Variants in CDK18 observed in about 807,000 individuals in gnomAD.
CDK18 encodes the protein cyclin dependent kinase 18, also known as cyclin-dependent kinase 18.
A neutral mutation model predicts 62.0 loss-of-function variants in CDK18; 52 were observed. The ratio of observed to expected loss-of-function variants is 0.84; its 90% CI spans 0.67 to 1.06. CDK18 has a LOEUF of 1.06. Ranked by LOEUF, CDK18 falls within the 50% of genes least tolerant of loss-of-function variation. The pLI is 0.00. For synonymous variants in CDK18, 237 were observed against 247.0 expected, an observed-to-expected ratio of 0.96 and a Z score of 0.38; for missense variants, 604 against 619.9, an observed-to-expected ratio of 0.97 and a Z score of 0.27.
rs941561741 is a variant in CDK18 at position 205,530,008 on chromosome 1, C to T, written c.1222-251C>T. The T allele has an allele frequency of 7.8e-6, 11 of 1,404,438 alleles. No homozygotes were observed. The African/African-American group carries it at 1.4e-4, about 18-fold the overall frequency. The allele number at this position is 1,404,438 out of a possible 1,614,324, so 87.0% of individuals were successfully genotyped here. A position where few individuals can be genotyped will look rare whatever the true frequency, so the allele number is the denominator to read the frequency against. ...GTTGGTTTGCATCTGTATTTCTATC[C>T]CAAGAGAAGGTCACTCTCCTGAAGT... is the stretch of plus-strand genomic sequence containing the variant. On this transcript the variant is annotated intron_variant, in intron 13 of 15. Coordinates refer to ENST00000429964, the MANE Select transcript of CDK18 (RefSeq NM_212502.3).
Position 205,516,835 on chromosome 1 carries a change from C to T in CDK18, c.-21-6312C>T, listed in dbSNP as rs1558771767. 1 of 152,230 alleles carries T rather than the reference C, an allele frequency of 6.6e-6. No individual in the cohort carries two copies. The highest frequency in any genetic ancestry group is 6.5e-5 in the Admixed American group (1 of 15,276). 9.4% of individuals were successfully genotyped at this position (152,230 alleles called of 1,614,324 possible). A position where few individuals can be genotyped will look rare whatever the true frequency, so the allele number is the denominator to read the frequency against. On this transcript the variant is annotated intron_variant, in intron 1 of 15. Coordinates refer to ENST00000429964, the MANE Select transcript of CDK18 (RefSeq NM_212502.3). The surrounding 1 kb of genome is among the most constrained non-coding windows in gnomAD (Gnocchi z 4.8). The stretch of plus-strand genomic sequence containing the variant: ...CAGGCTGGGGAATCGGGGCTTTGTT[C>T]AAGAGGAAGGCAAAGAGGCTTCTTG...
In CDK18 at chr1:205,527,500, A is replaced by AAG; in HGVS notation, c.730-294_730-293insAG. 1 of 272,136 alleles carries AAG rather than the reference A, an allele frequency of 3.7e-6. No individual in the cohort carries two copies. Among genetic ancestry groups the AAG allele is most frequent in the South Asian group, 5.9e-5 (1 of 17,004 alleles). The allele number at this position is 272,136 out of a possible 1,614,324, so 16.9% of individuals were successfully genotyped here. ...ACTCTAAAAGAAAAAAAAAAAAAAAAGGGATCAAGCACATATGTCTCCACA... is the reference window on the plus strand; with the variant it reads ...ACTCTAAAAGAAAAAAAAAAAAAAAAAGGGGATCAAGCACATATGTCTCCACA... On this transcript the variant is annotated intron_variant, in intron 8 of 15. Transcript: ENST00000429964. This position sits in a 1 kb window ranked among gnomAD's most constrained non-coding sequence, Gnocchi z 4.1.
chr1:205,524,721 G>A (rs531507140), intron 4 of CDK18, among the ~76,000 whole-genome samples: 4 of 152,308 alleles, frequency 2.6e-5, no homozygotes, highest in East Asian at 1.9e-4. Flanking sequence ...CAGCCTCTCC[G>A]GCTAGGGGGT....
In CDK18 at chr1:205,531,683, A is replaced by C; in HGVS notation, c.*305A>C. ...CCCTCTCCCACCCTGGTGTTTGGGC[A>C]CCTGCGTGGGATGCACACGGATGAC... On this transcript the variant is annotated 3_prime_UTR_variant, in exon 16 of 16. Coordinates refer to ENST00000429964, the MANE Select transcript of CDK18 (RefSeq NM_212502.3). The C allele has an allele frequency of 2.5e-6, 1 of 405,574 alleles. No individual in the cohort carries two copies. Among genetic ancestry groups the C allele is most frequent in the Non-Finnish European group, 4.6e-6 (1 of 217,470 alleles). 25.1% of individuals were successfully genotyped at this position (405,574 alleles called of 1,614,324 possible). A position where few individuals can be genotyped will look rare whatever the true frequency, so the allele number is the denominator to read the frequency against.
intron 14 of CDK18, 111 bp downstream of exon 14, chr1:205,530,460 C>G (rs1668681513): frequency 1.1e-5 from 14 of 1,255,982 alleles, no homozygotes; most frequent in Non-Finnish European, 1.5e-5. Context: ...CCCAGCAGAG[C>G]AGCCCCGGGC....
chr1:205,525,259 C>T, intron 5 of CDK18, 64 bp downstream of exon 5: 1 of 1,241,758 alleles, frequency 8.1e-7, no homozygotes. Flanking sequence ...AGGGGCAGAC[C>T]TCCCTAGTCG....
At chr1:205,511,091 G>T (rs78823621) in intron 1 of CDK18, among the ~76,000 whole-genome samples, 4,327 of 152,354 alleles carry the variant, frequency 0.028, 189 homozygotes, top group African/African-American at 0.099. Context: ...AAGGCTAGGG[G>T]TTGGCAAACC....
intron 7 of CDK18, 153 bp from the exon 8 acceptor site, chr1:205,526,622 A>G: frequency 2.1e-6 from 2 of 944,164 alleles, no homozygotes; most frequent in East Asian, 2.4e-5. Flanking sequence ...GAGTGGGCCA[A>G]GAGCTCAGGC....
At chr1:205,511,135 T>C (rs1667547538) in intron 1 of CDK18, among the ~76,000 whole-genome samples, 1 of 152,280 alleles carries the variant, frequency 6.6e-6, no homozygotes, top group South Asian at 2.1e-4. Context: ...AGTTTTTGTA[T>C]GGCCCATGAG....
At chr1:205,530,738 T>C in intron 15 of CDK18, 33 bp downstream of exon 15, 2 of 1,584,076 alleles carry the variant, frequency 1.3e-6, no homozygotes, top group East Asian at 4.5e-5. Context: ...ACCCCTCCCC[T>C]TGTTAGTGGA....
chr1:205,509,353 C>T (rs1024045633), intron 1 of CDK18, among the ~76,000 whole-genome samples: 1 of 152,112 alleles, frequency 6.6e-6, no homozygotes, highest in Admixed American at 6.5e-5. Flanking sequence ...ATGGTGGAGT[C>T]GGGATAGACA....
At chr1:205,512,612 G>A (rs1327595945) in intron 1 of CDK18, among the ~76,000 whole-genome samples, 9 of 152,202 alleles carry the variant, frequency 5.9e-5, no homozygotes, top group Non-Finnish European at 2.9e-5. Context: ...AGGGAGAGGC[G>A]GGGCAATCCA....
rs1307093976 is a variant in CDK18, at chr1:205,516,963, G to T, written c.-21-6184G>T. 6.6e-6 allele frequency: 1 copy of T among 152,304 alleles called. No individual in the cohort carries two copies. The highest frequency in any genetic ancestry group is 1.5e-5 in the Non-Finnish European group (1 of 68,154). 9.4% of individuals were successfully genotyped at this position (152,304 alleles called of 1,614,324 possible). On this transcript the variant is annotated intron_variant, in intron 1 of 15. Coordinates refer to ENST00000429964, the MANE Select transcript of CDK18 (RefSeq NM_212502.3). This position sits in a 1 kb window ranked among gnomAD's most constrained non-coding sequence, Gnocchi z 4.8. ...CTACAGCATCCCAGATTCCTGGGAT[G>T]CTCTGTCAACCTCCTTCTCCACCTC... is the stretch of plus-strand genomic sequence containing the variant.
chr1:205,517,309 G>C lies in CDK18; in HGVS notation c.-21-5838G>C, dbSNP rs1667871049. ...CTGCCAAGAGATGATCCTGCTCCCT[G>C]TCTCCTGGCCCTCTTCCATCCTGGG... On this transcript the variant is annotated intron_variant, in intron 1 of 15. Coordinates refer to ENST00000429964, the MANE Select transcript of CDK18 (RefSeq NM_212502.3). The surrounding 1 kb of genome is among the most constrained non-coding windows in gnomAD (Gnocchi z 4.1). Among the ~76,000 whole-genome samples the C allele has an allele frequency of 6.6e-6, 1 of 152,202 alleles. No individual in the cohort carries two copies. Among genetic ancestry groups the C allele is most frequent in the Non-Finnish European group, 1.5e-5 (1 of 68,030 alleles).
Position 205,527,661 on chromosome 1 carries a change from CTGCAGGGTGTGCAGGAGAATG to C in CDK18, c.730-132_730-112del. 1.2e-6 allele frequency: 1 copy of C among 833,800 alleles called. No homozygotes were observed. The highest frequency in any genetic ancestry group is 2.0e-6 in the Non-Finnish European group (1 of 510,700). The allele number at this position is 833,800 out of a possible 1,614,324, so 51.7% of individuals were successfully genotyped here. Reference sequence around the variant, plus strand: ...GTGTGGGTGGGGTCCAGGATGGGGGCTGCAGGGTGTGCAGGAGAATGAGGGGCTTGTGCTGACCTCACTGCC... The same window carrying C: ...GTGTGGGTGGGGTCCAGGATGGGGGCAGGGGCTTGTGCTGACCTCACTGCC... On this transcript the variant is annotated intron_variant, in intron 8 of 15. Coordinates refer to ENST00000429964, the MANE Select transcript of CDK18 (RefSeq NM_212502.3). The surrounding 1 kb of genome is among the most constrained non-coding windows in gnomAD (Gnocchi z 4.1).
intron 1 of CDK18, among the ~76,000 whole-genome samples, chr1:205,520,842 C>G (rs1347379910): frequency 6.6e-6 from 1 of 152,214 alleles, no homozygotes; most frequent in Non-Finnish European, 1.5e-5. Flanking sequence ...ACACCCCCTG[C>G]CACCATCATG....
rs140223112 is a variant in CDK18 at position 205,519,146 on chromosome 1, C to T, written c.-21-4001C>T. Among the ~76,000 whole-genome samples, 56 of 152,330 alleles carry T rather than the reference C, an allele frequency of 3.7e-4. 1 individual carries two copies. The East Asian group carries it at 0.01, about 28-fold the overall frequency. ...GGCCTCAGGCTGGTCATACTGAGCC[C>T]TTCTGTCCCCACTTGGGGGTGAGGG... On this transcript the variant is annotated intron_variant, in intron 1 of 15. Coordinates refer to ENST00000429964, the MANE Select transcript of CDK18 (RefSeq NM_212502.3).
Position 205,528,098 on chromosome 1 carries a change from G to T in CDK18, c.904G>T (p.Val302Leu). 1 of 1,614,152 alleles carries T rather than the reference G, an allele frequency of 6.2e-7. No individual in the cohort carries two copies. The highest frequency in any genetic ancestry group is 8.5e-7 in the Non-Finnish European group (1 of 1,180,012). The change falls in exon 10 of 16, where the codon GTG (valine) becomes TTG (leucine). Residue 302 changes from valine to leucine, a missense_variant. Physicochemically the swap from Val to Leu is conservative, Grantham distance 32. Transcript: ENST00000429964. The surrounding 1 kb of genome is among the most constrained non-coding windows in gnomAD (Gnocchi z 4.2). ...CACAAAGACTTACTCCAATGAGGTG[G>T]TGACCCTGTGGTACAGGCCCCCCGA... Reference protein sequence around the residue: ...VPTKTYSNEVVTLWYRPPDVL... With the variant: ...VPTKTYSNEVLTLWYRPPDVL...
intron 1 of CDK18, among the ~76,000 whole-genome samples, chr1:205,507,686 A>G (rs1667380624): frequency 6.6e-6 from 1 of 150,744 alleles, no homozygotes. Flanking sequence ...CCTGGCATGT[A>G]GCAGAGACTA....
Sources: allele counts gnomAD v4.1 joint callset (sites outside exome capture counted in the v4.1 genomes callset), GRCh38; gene constraint gnomAD v4.1.1; non-coding constraint Gnocchi (gnomAD v3.1); transcripts MANE v1.5; gene names NCBI Gene and HGNC (gene_info 2026-07-23, HGNC 2026-07-21).